Variants in INSC observed in about 807,000 individuals in gnomAD.
The protein encoded by INSC is INSC spindle orientation adaptor protein, also known as protein inscuteable homolog.
Under a neutral mutation model 58.6 loss-of-function variants are expected in INSC, and 67 were observed. The observed-to-expected ratio is 1.14, with a 90% CI of 0.94 to 1.40. INSC has a LOEUF of 1.40. Ranked by LOEUF, INSC falls within the 40% of genes most tolerant of loss-of-function variation. The probability of loss-of-function intolerance (pLI) is 0.00; values close to 1 mark genes in which losing one functional copy is unlikely to be tolerated. For missense variants in INSC, 714 were observed against 692.0 expected (o/e 1.03, Z -0.36); for synonymous variants, 262 against 276.1 (o/e 0.95, Z 0.51).
Position 15,128,217 on chromosome 11 carries a change from C to G in INSC, c.-46+13214C>G, listed in dbSNP as rs1056255813. 2.0e-5 allele frequency among the ~76,000 whole-genome samples: 3 copies of G among 152,304 alleles called. No individual in the cohort carries two copies. In the East Asian group the frequency reaches 5.8e-4, roughly 29 times the overall value. ...GGAATTTTGGTTAGGACCCTGTCTT[C>G]TGGATTTCTATCCCGCCAAATGGCT... On this transcript the variant is annotated intron_variant, in intron 1 of 12. Coordinates refer to ENST00000379556, the MANE Select transcript of INSC (RefSeq NM_001042536.3).
At chr11:15,239,168 C>A in intron 11 of INSC, 94 bp downstream of exon 11, 3 of 1,442,452 alleles carry the variant, frequency 2.1e-6, no homozygotes, top group Non-Finnish European at 1.9e-6. Flanking sequence ...GGACACAGGG[C>A]AAGAGCTGGC....
intron 7 of INSC, among the ~76,000 whole-genome samples, chr11:15,212,339 A>G (rs539561144): frequency 6.6e-6 from 1 of 152,034 alleles, no homozygotes; most frequent in South Asian, 2.1e-4. Flanking sequence ...ACCTCAGGTG[A>G]TCCGCCCACC....
upstream of INSC, among the ~76,000 whole-genome samples, chr11:15,111,648 G>A (rs984590770): frequency 1.3e-5 from 2 of 152,184 alleles, no homozygotes; most frequent in South Asian, 2.1e-4. Context: ...ATTCCCATGT[G>A]TATTTGTGTA....
chr11:15,251,371 C>T (rs1852648177), downstream of INSC, among the ~76,000 whole-genome samples: 1 of 152,106 alleles, frequency 6.6e-6, no homozygotes. Context: ...GCTATAATAC[C>T]TAAAGCACAA....
At chr11:15,229,979 TTATATATATATA>T (rs1194544781) in intron 9 of INSC, among the ~76,000 whole-genome samples, 8 of 32,976 alleles carry the variant, frequency 2.4e-4, no homozygotes, top group South Asian at 1.0e-3. Flanking sequence ...TATATATATA[TTATATATATATA>T]TATATATATA....
intron 7 of INSC, among the ~76,000 whole-genome samples, chr11:15,219,960 A>T (rs1420328197): frequency 2.0e-5 from 3 of 152,170 alleles, no homozygotes; most frequent in Non-Finnish European, 4.4e-5. Context: ...TCTGCCAGGG[A>T]CCACATGGCT....
At chr11:15,248,318 C>T (rs138309912), downstream of INSC, among the ~76,000 whole-genome samples, 565 of 152,256 alleles carry the variant, frequency 3.7e-3, 1 homozygote, top group African/African-American at 0.013. Flanking sequence ...CAATTTGGTG[C>T]CACTGCCTTG....
intron 9 of INSC, among the ~76,000 whole-genome samples, chr11:15,232,636 TTA>T (rs1851967119): frequency 1.3e-5 from 2 of 152,094 alleles, no homozygotes; most frequent in Admixed American, 6.5e-5. Context: ...ATAAGTTACT[TTA>T]TATAGCGACA....
At chr11:15,249,208 T>A (rs1432131717), downstream of INSC, among the ~76,000 whole-genome samples, 1 of 151,898 alleles carries the variant, frequency 6.6e-6, no homozygotes, top group Non-Finnish European at 1.5e-5. Flanking sequence ...CAGAGAAGAG[T>A]AGAGATTGGA....
At chr11:15,222,328 C>T (rs930830241) in intron 8 of INSC, among the ~76,000 whole-genome samples, 2 of 152,176 alleles carry the variant, frequency 1.3e-5, no homozygotes, top group South Asian at 2.1e-4. Context: ...AAAGTGCTAA[C>T]GGTGATCTGT....
At chr11:15,257,848 T>A in the INSC span, among the ~76,000 whole-genome samples, 109,485 of 152,038 alleles carry the variant, frequency 0.72, 39,811 homozygotes, top group Middle Eastern at 0.8. Flanking sequence ...CCTTGATCTG[T>A]GACTTCCAGC....
intron 1 of INSC, among the ~76,000 whole-genome samples, chr11:15,142,920 G>A (rs2133731037): frequency 6.6e-6 from 1 of 150,994 alleles, no homozygotes; most frequent in East Asian, 2.0e-4. Context: ...TCAACGCACA[G>A]TGCATATGGT....
intron 2 of INSC, among the ~76,000 whole-genome samples, chr11:15,169,454 A>G (rs1044599376): frequency 4.6e-5 from 7 of 152,178 alleles, no homozygotes; most frequent in Non-Finnish European, 7.4e-5. Flanking sequence ...TGGACTCTCA[A>G]GGTGTTCCCT....
intron 1 of INSC, among the ~76,000 whole-genome samples, chr11:15,122,091 C>G (rs1338480557): frequency 6.6e-6 from 1 of 152,136 alleles, no homozygotes; most frequent in African/African-American, 2.4e-5. Context: ...GGTGTGTCAT[C>G]GTTTATATGC....
chr11:15,159,223 A>C (rs570768677), intron 2 of INSC, among the ~76,000 whole-genome samples: 1 of 152,280 alleles, frequency 6.6e-6, no homozygotes, highest in South Asian at 2.1e-4. Context: ...GAGGCAAGGT[A>C]CCCAAGTGAT....
Position 15,246,081 on chromosome 11 carries a change from C to T in INSC, c.*41C>T, listed in dbSNP as rs1049490320. ...AAATACATTTGGCTGTTCTCACACC[C>T]CCTCTGACTATGCACCAGTGAACAC... On this transcript the variant is annotated 3_prime_UTR_variant, in exon 13 of 13. Transcript: ENST00000379556. The T allele has an allele frequency of 1.2e-6, 2 of 1,611,362 alleles. No homozygotes were observed. Among genetic ancestry groups the T allele is most frequent in the African/African-American group, 2.7e-5 (2 of 74,842 alleles).
rs1447330795 is a variant in INSC, at chr11:15,229,962, ATAT to A, written c.1170+4135_1170+4137del. ...TATATATAATATTATATATATATTTATATATATATATATATATTATATATATAT... is the reference window on the plus strand; with the variant it reads ...TATATATAATATTATATATATATTTAATATATATATATATTATATATATAT... On this transcript the variant is annotated intron_variant, in intron 9 of 12. Coordinates refer to ENST00000379556, the MANE Select transcript of INSC (RefSeq NM_001042536.3). 1.8e-4 allele frequency among the ~76,000 whole-genome samples: 5 copies of A among 28,206 alleles called. 1 individual carries two copies. The highest frequency in any genetic ancestry group is 1.1e-3 in the Admixed American group (2 of 1,766). The allele number at this position is 28,206 out of a possible 152,430, so 18.5% of individuals were successfully genotyped here. A position where few individuals can be genotyped will look rare whatever the true frequency, so the allele number is the denominator to read the frequency against.
the INSC span, among the ~76,000 whole-genome samples, chr11:15,267,318 C>A: frequency 6.6e-6 from 1 of 152,050 alleles, no homozygotes; most frequent in Non-Finnish European, 1.5e-5. Flanking sequence ...ATAATATGCT[C>A]TATGTATTTC....
intron 10 of INSC, among the ~76,000 whole-genome samples, chr11:15,236,177 G>A (rs1005721683): frequency 6.6e-6 from 1 of 151,946 alleles, no homozygotes; most frequent in East Asian, 1.9e-4. Context: ...CTTTTGTGAG[G>A]CCTAAATTCT....
Sources: gnomAD v4.1 joint callset for allele counts (sites outside exome capture counted in the v4.1 genomes callset) on GRCh38, gnomAD v4.1.1 for gene constraint, MANE v1.5 for transcripts, NCBI Gene and HGNC (gene_info 2026-07-23, HGNC 2026-07-21) for gene names.